Variants in HS6ST3 observed in about 807,000 individuals in gnomAD.
HS6ST3 encodes the protein heparan sulfate 6-O-sulfotransferase 3, also known as heparan-sulfate 6-O-sulfotransferase 3.
HS6ST3 carries 12 observed loss-of-function variants against 36.7 expected under a neutral mutation model. The ratio of observed to expected loss-of-function variants is 0.33; its 90% CI spans 0.21 to 0.53. The LOEUF is 0.53. HS6ST3 is among the 20% of genes least tolerant of loss of function. The pLI, the probability that HS6ST3 is intolerant of heterozygous loss-of-function variation, is 0.95. For synonymous variants in HS6ST3, 240 were observed against 257.5 expected (o/e 0.93, Z 0.65); for missense variants, 584 against 640.9 (o/e 0.91, Z 0.96).
At chr13:96,427,510 T>C (rs143319348) in intron 1 of HS6ST3, among the ~76,000 whole-genome samples, 76 of 152,062 alleles carry the variant, frequency 5.0e-4, no homozygotes, top group African/African-American at 1.7e-3. Context: ...ATATTATTAG[T>C]CATAGTACAT....
intron 1 of HS6ST3, among the ~76,000 whole-genome samples, chr13:96,608,477 T>C (rs1255050527): frequency 6.6e-6 from 1 of 152,228 alleles, no homozygotes; most frequent in Non-Finnish European, 1.5e-5. Flanking sequence ...AGTCTGATGC[T>C]TCTCTGGATC....
rs1203595829 is a variant in HS6ST3 at position 96,351,335 on chromosome 13, T to TTTTTTTTAAA, written c.707+259766_707+259767insTTTTTTTAAA. On this transcript the variant is annotated intron_variant, in intron 1 of 1. Transcript: ENST00000376705. ...AGGTGGCAGTCTTTTTTTTTTTTTT[T>TTTTTTTTAAA]AAAAAAAACAAGGTCTTGCTGGGTT... is the stretch of plus-strand genomic sequence containing the variant. Among the ~76,000 whole-genome samples, 164 of 146,394 alleles carry TTTTTTTTAAA rather than the reference T, an allele frequency of 1.1e-3. 1 individual carries two copies. The highest frequency in any genetic ancestry group is 0.01 in the Middle Eastern group (3 of 286).
chr13:96,722,832 C>T (rs1453113500), intron 1 of HS6ST3, among the ~76,000 whole-genome samples: 1 of 152,086 alleles, frequency 6.6e-6, no homozygotes, highest in African/African-American at 2.4e-5. Context: ...CAAAAATTAG[C>T]TGGGCATGGT....
At chr13:96,289,154 A>G (rs2054817737) in intron 1 of HS6ST3, among the ~76,000 whole-genome samples, 1 of 152,120 alleles carries the variant, frequency 6.6e-6, no homozygotes, top group Non-Finnish European at 1.5e-5. Context: ...ATAAAACAAG[A>G]CTTAAACAAA....
chr13:96,695,483 A>C (rs1566431767), intron 1 of HS6ST3, among the ~76,000 whole-genome samples: 1 of 152,144 alleles, frequency 6.6e-6, no homozygotes, highest in Non-Finnish European at 1.5e-5. Flanking sequence ...ACTGGAGTGC[A>C]GTGGCATAAT....
chr13:96,485,843 AT>A (rs2055911390), intron 1 of HS6ST3, among the ~76,000 whole-genome samples: 1 of 152,238 alleles, frequency 6.6e-6, no homozygotes, highest in African/African-American at 2.4e-5. Context: ...TAGCCTTCAA[AT>A]TCTTTTTAGA....
chr13:96,380,204 T>G (rs916324868), intron 1 of HS6ST3, among the ~76,000 whole-genome samples: 5 of 152,086 alleles, frequency 3.3e-5, no homozygotes, highest in Non-Finnish European at 7.4e-5. Context: ...CATGTGCTCA[T>G]GTGTTTGTGT....
At chr13:96,324,201 C>G (rs1462729806) in intron 1 of HS6ST3, among the ~76,000 whole-genome samples, 1 of 152,148 alleles carries the variant, frequency 6.6e-6, no homozygotes, top group Non-Finnish European at 1.5e-5. Flanking sequence ...TTAAACATCT[C>G]CAAAAACTTT....
At chr13:96,220,369 G>T (rs1174035755) in intron 1 of HS6ST3, among the ~76,000 whole-genome samples, 1 of 152,122 alleles carries the variant, frequency 6.6e-6, no homozygotes, top group Non-Finnish European at 1.5e-5. Flanking sequence ...TTTCTGATTT[G>T]TCTTCTTGGC....
At chr13:96,170,507 G>T (rs1012374243) in intron 1 of HS6ST3, among the ~76,000 whole-genome samples, 1 of 152,158 alleles carries the variant, frequency 6.6e-6, no homozygotes, top group African/African-American at 2.4e-5. Context: ...TTCCTGCAGG[G>T]GCAATGAGGC....
chr13:96,697,812 C>G (rs994494158), intron 1 of HS6ST3, among the ~76,000 whole-genome samples: 1 of 152,124 alleles, frequency 6.6e-6, no homozygotes, highest in Non-Finnish European at 1.5e-5. Flanking sequence ...GCCCATCCAG[C>G]TCAATTAGGC....
At chr13:96,421,259 C>T (rs1055658039) in intron 1 of HS6ST3, among the ~76,000 whole-genome samples, 1 of 151,998 alleles carries the variant, frequency 6.6e-6, no homozygotes, top group Non-Finnish European at 1.5e-5. Context: ...ATCTTTAGTA[C>T]CACAGTTAAA....
intron 1 of HS6ST3, among the ~76,000 whole-genome samples, chr13:96,146,112 G>C (rs1302834739): frequency 6.6e-6 from 1 of 152,094 alleles, no homozygotes; most frequent in African/African-American, 2.4e-5. Flanking sequence ...TGTTCTTTTG[G>C]CTTAGGATTG....
chr13:96,513,060 T>A (rs1169818809), intron 1 of HS6ST3, among the ~76,000 whole-genome samples: 1 of 152,112 alleles, frequency 6.6e-6, no homozygotes, highest in Non-Finnish European at 1.5e-5. Context: ...TGAAAAAGAA[T>A]CTTTTCCTTG....
At chr13:96,749,089 G>A (rs964754133) in intron 1 of HS6ST3, among the ~76,000 whole-genome samples, 1 of 152,034 alleles carries the variant, frequency 6.6e-6, no homozygotes, top group African/African-American at 2.4e-5. Flanking sequence ...TGATTCCACA[G>A]TTATTTGAGG....
intron 1 of HS6ST3, among the ~76,000 whole-genome samples, chr13:96,743,220 T>C (rs1176552486): frequency 6.6e-6 from 1 of 152,136 alleles, no homozygotes; most frequent in African/African-American, 2.4e-5. Context: ...TAATTTATGC[T>C]GTTTCAGATC....
intron 1 of HS6ST3, among the ~76,000 whole-genome samples, chr13:96,361,398 A>G (rs1264608528): frequency 3.9e-5 from 6 of 152,248 alleles, no homozygotes; most frequent in African/African-American, 1.2e-4. Flanking sequence ...TAGAAAAAAT[A>G]TAAGAAGTTT....
intron 1 of HS6ST3, among the ~76,000 whole-genome samples, chr13:96,165,894 A>G (rs1224443011): frequency 6.6e-6 from 1 of 152,138 alleles, no homozygotes; most frequent in Non-Finnish European, 1.5e-5. Flanking sequence ...GGGTACAACA[A>G]AAATTGCATG....
At chr13:96,131,620 A>C (rs2053976038) in intron 1 of HS6ST3, among the ~76,000 whole-genome samples, 1 of 152,260 alleles carries the variant, frequency 6.6e-6, no homozygotes, top group East Asian at 1.9e-4. Flanking sequence ...TATTAACTAT[A>C]GTCACTAAGT....
Sources: gnomAD v4.1 joint callset for allele counts (sites outside exome capture counted in the v4.1 genomes callset) on GRCh38, gnomAD v4.1.1 for gene constraint, MANE v1.5 for transcripts, NCBI Gene and HGNC (gene_info 2026-07-23, HGNC 2026-07-21) for gene names.